RNF13: variants seen among roughly 807,000 people sequenced by gnomAD.
RNF13 encodes E3 ubiquitin-protein ligase RNF13.
Under a neutral mutation model 37.7 loss-of-function variants are expected in RNF13, and 19 were observed. The ratio of observed to expected loss-of-function variants is 0.50; its 90% CI spans 0.35 to 0.74. The LOEUF is 0.74. Ranked by LOEUF, RNF13 falls within the 30% of genes least tolerant of loss-of-function variation. The pLI is 0.01. For missense variants in RNF13, 375 were observed against 453.0 expected (o/e 0.83, Z 1.56); for synonymous variants, 144 against 157.8 (o/e 0.91, Z 0.65).
At chr3:149,944,677 T>C (rs1446877484) in intron 8 of RNF13, among the ~76,000 whole-genome samples, 4 of 152,230 alleles carry the variant, frequency 2.6e-5, no homozygotes, top group African/African-American at 9.6e-5. Flanking sequence ...TCTTGTAAAT[T>C]TGTTGGAGTT....
At chr3:149,858,916 G>C (rs755637383) in intron 3 of RNF13, among the ~76,000 whole-genome samples, 1 of 152,160 alleles carries the variant, frequency 6.6e-6, no homozygotes, top group Non-Finnish European at 1.5e-5. Context: ...TTAATATAAA[G>C]TCTTGAGATT....
chr3:149,876,844 T>C lies in RNF13; in HGVS notation c.321+4690T>C, dbSNP rs533815409. Among the ~76,000 whole-genome samples, 8 of 143,946 alleles carry C rather than the reference T, an allele frequency of 5.6e-5. No individual in the cohort carries two copies. The Admixed American group carries it at 5.9e-4, about 11-fold the overall frequency. 94.4% of individuals were successfully genotyped at this position (143,946 alleles called of 152,430 possible). On this transcript the variant is annotated intron_variant, in intron 4 of 9. Coordinates refer to ENST00000392894, the MANE Select transcript of RNF13 (RefSeq NM_183381.3). The stretch of plus-strand genomic sequence containing the variant: ...CCCAGGCTGGAGTGCAGTAGCACGG[T>C]CTTGGCTCACTGCAACCTCTGCCTC...
chr3:149,845,992 T>C lies in RNF13; in HGVS notation c.-16-19T>C. 2 of 1,387,212 alleles carry C rather than the reference T, an allele frequency of 1.4e-6. No individual in the cohort carries two copies. The highest frequency in any genetic ancestry group is 2.0e-6 in the Non-Finnish European group (2 of 978,608). 85.9% of individuals were successfully genotyped at this position (1,387,212 alleles called of 1,614,324 possible). On this transcript the variant is annotated intron_variant, in intron 1 of 9. Transcript: ENST00000392894. The stretch of plus-strand genomic sequence containing the variant: ...GGACAAAGCACCAGCTCTCAGTTAC[T>C]CACATCCTTGTCTTCCAGGTGATTT...
chr3:149,902,458 A>G (rs900712584), intron 6 of RNF13, among the ~76,000 whole-genome samples: 1 of 152,024 alleles, frequency 6.6e-6, no homozygotes, highest in African/African-American at 2.4e-5. Context: ...AAACAATGCA[A>G]TTTATGTTTA....
At chr3:149,896,652 T>A (rs564928869) in intron 5 of RNF13, among the ~76,000 whole-genome samples, 33 of 152,062 alleles carry the variant, frequency 2.2e-4, no homozygotes, top group African/African-American at 7.9e-4. Context: ...GCTAATTTTG[T>A]ATTTTAAGTA....
At chr3:149,824,109 G>A (rs1720250684) in intron 1 of RNF13, among the ~76,000 whole-genome samples, 1 of 152,106 alleles carries the variant, frequency 6.6e-6, no homozygotes, top group South Asian at 2.1e-4. Flanking sequence ...CAAACAATTG[G>A]ACATCAAAAT....
intron 4 of RNF13, among the ~76,000 whole-genome samples, chr3:149,876,116 A>T (rs1049648915): frequency 6.6e-6 from 1 of 152,250 alleles, no homozygotes; most frequent in African/African-American, 2.4e-5. Flanking sequence ...TTGTCATTTC[A>T]GTACCAGATG....
intron 1 of RNF13, among the ~76,000 whole-genome samples, chr3:149,818,156 AG>A (rs1319981985): frequency 1.3e-5 from 2 of 152,204 alleles, no homozygotes; most frequent in African/African-American, 4.8e-5. Flanking sequence ...CCTACTACTT[AG>A]GGGTTTTTCT....
intron 4 of RNF13, among the ~76,000 whole-genome samples, chr3:149,885,349 A>C (rs970061060): frequency 6.6e-6 from 1 of 152,150 alleles, no homozygotes; most frequent in Non-Finnish European, 1.5e-5. Flanking sequence ...TCCTACCAAC[A>C]GTGTACAGGG....
chr3:149,958,508 G>A (rs1421484986), intron 8 of RNF13, among the ~76,000 whole-genome samples: 1 of 152,174 alleles, frequency 6.6e-6, no homozygotes, highest in African/African-American at 2.4e-5. Context: ...AATACAGGCT[G>A]ATCTCCCTAC....
chr3:149,915,766 A>G (rs762627342), intron 7 of RNF13, among the ~76,000 whole-genome samples: 9 of 152,196 alleles, frequency 5.9e-5, no homozygotes, highest in African/African-American at 1.2e-4. Context: ...TACTGATTCT[A>G]CTTACACGAG....
intron 1 of RNF13, among the ~76,000 whole-genome samples, chr3:149,840,095 G>T (rs140611056): frequency 6.6e-6 from 1 of 152,056 alleles, no homozygotes; most frequent in African/African-American, 2.4e-5. Context: ...AAACAGTTTC[G>T]CAAGAATACA....
At chr3:149,863,548 T>G (rs1160997636) in intron 3 of RNF13, among the ~76,000 whole-genome samples, 1 of 152,030 alleles carries the variant, frequency 6.6e-6, no homozygotes, top group Non-Finnish European at 1.5e-5. Context: ...CCTGGCTAAT[T>G]TTTGTATTTT....
At chr3:149,815,798 T>C (rs1023319452) in intron 1 of RNF13, among the ~76,000 whole-genome samples, 2 of 152,228 alleles carry the variant, frequency 1.3e-5, no homozygotes, top group African/African-American at 4.8e-5. Flanking sequence ...AAAACAGTAA[T>C]GTAGCTAATA....
intron 8 of RNF13, among the ~76,000 whole-genome samples, chr3:149,952,049 A>G (rs1233431897): frequency 1.3e-5 from 2 of 151,966 alleles, no homozygotes; most frequent in Non-Finnish European, 2.9e-5. Context: ...TCTTCAACTC[A>G]CTATGTCAAA....
intron 1 of RNF13, among the ~76,000 whole-genome samples, chr3:149,840,374 G>A (rs982316398): frequency 2.6e-5 from 4 of 151,852 alleles, no homozygotes; most frequent in African/African-American, 9.7e-5. Context: ...TTTATTATAG[G>A]CATACTCAAA....
At chr3:149,819,749 A>C (rs1164515016) in intron 1 of RNF13, among the ~76,000 whole-genome samples, 1 of 152,232 alleles carries the variant, frequency 6.6e-6, no homozygotes. Flanking sequence ...TTTAGTTCTG[A>C]GCTGTATTCT....
intron 7 of RNF13, among the ~76,000 whole-genome samples, chr3:149,913,460 T>C (rs1331564846): frequency 6.6e-6 from 1 of 152,204 alleles, no homozygotes; most frequent in African/African-American, 2.4e-5. Context: ...CAGGAGACTT[T>C]TGTCAAAACT....
At chr3:149,954,224 C>G (rs954092347) in intron 8 of RNF13, among the ~76,000 whole-genome samples, 2 of 151,806 alleles carry the variant, frequency 1.3e-5, no homozygotes, top group African/African-American at 4.8e-5. Flanking sequence ...TTGGTTGTTG[C>G]AATTTTCTCC....
Sources: gnomAD v4.1 joint callset for allele counts (sites outside exome capture counted in the v4.1 genomes callset) on GRCh38, gnomAD v4.1.1 for gene constraint, MANE v1.5 for transcripts, NCBI Gene and HGNC (gene_info 2026-07-23, HGNC 2026-07-21) for gene names.